USH2A: variants seen among roughly 807,000 people sequenced by gnomAD.
The protein encoded by USH2A is usherin, also known as Usher syndrome 2A (autosomal recessive, mild).
In USH2A, 443 loss-of-function variants were observed where a neutral mutation model predicts 538.9. The observed-to-expected ratio is 0.82, with a 90% confidence interval of 0.76 to 0.89. The LOEUF is 0.89. Ranked by LOEUF, USH2A falls within the 40% of genes least tolerant of loss-of-function variation. The pLI, the probability that USH2A is intolerant of heterozygous loss-of-function variation, is 0.00. For missense variants in USH2A, 6,633 were observed against 6,324.8 expected (o/e 1.05, Z -1.65); for synonymous variants, 2,413 against 2,273.5 (o/e 1.06, Z -1.75).
intron 37 of USH2A, among the ~76,000 whole-genome samples, chr1:215,952,081 G>A (rs1320829410): frequency 6.6e-6 from 1 of 150,838 alleles, no homozygotes; most frequent in African/African-American, 2.4e-5. Flanking sequence ...AGCCAGGATG[G>A]TCTCGATCTC....
chr1:215,918,902 A>G (rs1018917004), intron 38 of USH2A, among the ~76,000 whole-genome samples: 1 of 152,100 alleles, frequency 6.6e-6, no homozygotes, highest in Admixed American at 6.6e-5. Context: ...GGCATCAGAA[A>G]GCATATGGGA....
chr1:215,648,888 C>T (rs1656952297), intron 65 of USH2A, 122 bp from the exon 66 acceptor site: 1 of 943,426 alleles, frequency 1.1e-6, no homozygotes, highest in South Asian at 1.3e-5. Context: ...GGAGACACAA[C>T]ATGGCATTTA....
chr1:216,357,734 A>G (rs2038415584), intron 4 of USH2A, among the ~76,000 whole-genome samples: 1 of 152,186 alleles, frequency 6.6e-6, no homozygotes, highest in African/African-American at 2.4e-5. Context: ...TTGATAAACA[A>G]GTTCAGAAAT....
chr1:215,929,393 T>C (rs541583815), intron 38 of USH2A, among the ~76,000 whole-genome samples: 10 of 152,196 alleles, frequency 6.6e-5, no homozygotes, highest in African/African-American at 2.2e-4. Context: ...TGCTTCCTGC[T>C]TACTTCATCA....
At chr1:216,300,559 T>C (rs2037194755) in intron 9 of USH2A, among the ~76,000 whole-genome samples, 1 of 152,202 alleles carries the variant, frequency 6.6e-6, no homozygotes, top group African/African-American at 2.4e-5. Context: ...TAGAAGACAC[T>C]GATGAAATTT....
intron 47 of USH2A, among the ~76,000 whole-genome samples, chr1:215,823,906 T>C (rs553964539): frequency 6.6e-6 from 1 of 152,200 alleles, no homozygotes; most frequent in South Asian, 2.1e-4. Flanking sequence ...AATCTCTTTG[T>C]TAAATCTGTT....
intron 15 of USH2A, among the ~76,000 whole-genome samples, chr1:216,211,900 T>C (rs918880543): frequency 1.3e-5 from 2 of 152,156 alleles, no homozygotes; most frequent in African/African-American, 4.8e-5. Flanking sequence ...GCCACAAATA[T>C]CATCAACTGC....
In USH2A at chr1:216,343,793, G is replaced by A. The variant is rs368205314; in HGVS notation, c.785-16139C>T. Among the ~76,000 whole-genome samples, 196 of 152,102 alleles carry A rather than the reference G, an allele frequency of 1.3e-3. 1 individual carries two copies. The highest frequency in any genetic ancestry group is 4.4e-3 in the African/African-American group (184 of 41,554). Reference sequence around the variant, plus strand: ...TGTAACAAAATGAAAATCAAATAATGAAATCTAAGTTTTTAAATATGATGT... The same window carrying A: ...TGTAACAAAATGAAAATCAAATAATAAAATCTAAGTTTTTAAATATGATGT... On this transcript the variant is annotated intron_variant, in intron 4 of 71. Coordinates refer to ENST00000307340, the MANE Select transcript of USH2A (RefSeq NM_206933.4).
chr1:216,396,612 G>A (rs926553113), intron 3 of USH2A, among the ~76,000 whole-genome samples: 1 of 152,074 alleles, frequency 6.6e-6, no homozygotes, highest in Non-Finnish European at 1.5e-5. Flanking sequence ...AGTTACATGT[G>A]TTACAAATGA....
chr1:216,029,579 T>C (rs1413217084), intron 32 of USH2A, among the ~76,000 whole-genome samples: 1 of 151,994 alleles, frequency 6.6e-6, no homozygotes. Flanking sequence ...GTAACTTTTA[T>C]TAGTGTCATA....
At chr1:216,029,819 G>GT (rs1362320362) in intron 32 of USH2A, among the ~76,000 whole-genome samples, 2 of 151,384 alleles carry the variant, frequency 1.3e-5, no homozygotes, top group Admixed American at 6.6e-5. Context: ...GTTGTTAATG[G>GT]TATTAGGAGG....
chr1:216,274,529 A>G (rs2036633983), intron 11 of USH2A, among the ~76,000 whole-genome samples: 1 of 152,082 alleles, frequency 6.6e-6, no homozygotes, highest in Non-Finnish European at 1.5e-5. Flanking sequence ...GCATCTAGAG[A>G]AGAAAAGTCC....
chr1:216,179,165 TC>T (rs1413224385), intron 20 of USH2A, among the ~76,000 whole-genome samples: 7 of 151,954 alleles, frequency 4.6e-5, no homozygotes, highest in Admixed American at 3.9e-4. Flanking sequence ...TCAAATTCCT[TC>T]CCCCATCAGT....
At chr1:216,146,079 G>A (rs992358584) in intron 21 of USH2A, among the ~76,000 whole-genome samples, 4 of 152,156 alleles carry the variant, frequency 2.6e-5, no homozygotes, top group South Asian at 2.1e-4. Context: ...CGGATCGGGG[G>A]ACCTCCCTTG....
In USH2A at chr1:215,733,205, C is replaced by T. The variant is rs866470066; in HGVS notation, c.11712-4821G>A. ...GCAAGAGAGAGAGGTGGCGGGGGGG[C>T]GGGGGGCGGGTGGAGTCCTAGACAT... On this transcript the variant is annotated intron_variant, in intron 60 of 71. Coordinates refer to ENST00000307340, the MANE Select transcript of USH2A (RefSeq NM_206933.4). Among the ~76,000 whole-genome samples, 360 of 49,620 alleles carry T rather than the reference C, an allele frequency of 7.3e-3. 5 individuals are homozygous for T. Among genetic ancestry groups the T allele is most frequent in the Admixed American group, 0.011 (37 of 3,322 alleles). The allele number at this position is 49,620 out of a possible 152,430, so 32.6% of individuals were successfully genotyped here. A position where few individuals can be genotyped will look rare whatever the true frequency, so the allele number is the denominator to read the frequency against.
intron 4 of USH2A, among the ~76,000 whole-genome samples, chr1:216,352,540 G>T (rs1281897869): frequency 6.6e-6 from 1 of 152,148 alleles, no homozygotes; most frequent in Non-Finnish European, 1.5e-5. Flanking sequence ...GGAATTAAAG[G>T]CTCCTATGGT....
chr1:215,791,434 A>T (rs1661978206), intron 50 of USH2A, among the ~76,000 whole-genome samples: 1 of 152,130 alleles, frequency 6.6e-6, no homozygotes, highest in African/African-American at 2.4e-5. Context: ...AAGTGCTTTT[A>T]AAAAAAATCA....
intron 21 of USH2A, among the ~76,000 whole-genome samples, chr1:216,123,017 T>C (rs1571979306): frequency 6.6e-6 from 1 of 152,308 alleles, no homozygotes; most frequent in South Asian, 2.1e-4. Context: ...GCAAACTTAA[T>C]GGGTCTCTCA....
At chr1:216,199,593 AC>A in intron 17 of USH2A, 33 bp downstream of exon 17, 1 of 1,613,296 alleles carries the variant, frequency 6.2e-7, no homozygotes, top group Non-Finnish European at 8.5e-7. Context: ...TCATGTCTTG[AC>A]CAAAAAGGGG....
Sources: gnomAD v4.1 joint callset for allele counts (sites outside exome capture counted in the v4.1 genomes callset) on GRCh38, gnomAD v4.1.1 for gene constraint, MANE v1.5 for transcripts, NCBI Gene and HGNC (gene_info 2026-07-23, HGNC 2026-07-21) for gene names.